ANO2: variants seen among roughly 807,000 people sequenced by gnomAD.
ANO2 encodes anoctamin 2, also known as anoctamin-2.
Under a neutral mutation model 124.2 loss-of-function variants are expected in ANO2, and 101 were observed. The ratio of observed to expected loss-of-function variants is 0.81; its 90% CI spans 0.69 to 0.96. ANO2 has a LOEUF of 0.96. Among genes scored for constraint, ANO2 ranks in the 40% least tolerant of loss-of-function variants. The probability of loss-of-function intolerance (pLI) is 0.00; values close to 1 mark genes in which losing one functional copy is unlikely to be tolerated. For missense variants in ANO2, 1,293 were observed against 1,274.5 expected (o/e 1.01, Z -0.22); for synonymous variants, 486 against 482.5 (o/e 1.01, Z -0.09).
chr12:5,817,604 T>C (rs926479960), intron 7 of ANO2, among the ~76,000 whole-genome samples: 1 of 151,810 alleles, frequency 6.6e-6, no homozygotes, highest in Non-Finnish European at 1.5e-5. Flanking sequence ...ATCACTGAGA[T>C]TGGGGAAAAA....
chr12:5,840,767 CAG>C (rs975993988), intron 4 of ANO2, among the ~76,000 whole-genome samples: 52 of 152,260 alleles, frequency 3.4e-4, no homozygotes, highest in African/African-American at 1.2e-3. Flanking sequence ...CACGTGTTGA[CAG>C]AAATTAACAC....
chr12:5,630,779 C>T (rs1407103153), intron 16 of ANO2, among the ~76,000 whole-genome samples: 1 of 152,220 alleles, frequency 6.6e-6, no homozygotes, highest in Non-Finnish European at 1.5e-5. Flanking sequence ...TCACTGTTCT[C>T]AAGAGCCTTG....
At chr12:5,602,582 A>G (rs916610657) in intron 19 of ANO2, among the ~76,000 whole-genome samples, 5 of 152,114 alleles carry the variant, frequency 3.3e-5, no homozygotes, top group African/African-American at 1.2e-4. Context: ...TCAGAAAGAG[A>G]AGACAGAGAC....
chr12:5,768,593 C>T (rs1334657177), intron 10 of ANO2, among the ~76,000 whole-genome samples: 1 of 152,228 alleles, frequency 6.6e-6, no homozygotes, highest in Non-Finnish European at 1.5e-5. Flanking sequence ...GCACGGAGGA[C>T]TCACAGCCAC....
chr12:5,775,749 G>A (rs549359455), intron 10 of ANO2, among the ~76,000 whole-genome samples: 1 of 152,138 alleles, frequency 6.6e-6, no homozygotes, highest in Non-Finnish European at 1.5e-5. Context: ...ATTTAGATGT[G>A]TGTCAGAACA....
intron 14 of ANO2, among the ~76,000 whole-genome samples, chr12:5,670,525 T>C (rs1206433030): frequency 6.6e-6 from 1 of 152,220 alleles, no homozygotes; most frequent in African/African-American, 2.4e-5. Context: ...GTTCCACATG[T>C]ATTAATTTTT....
chr12:5,628,298 G>T (rs1945517508), intron 16 of ANO2, among the ~76,000 whole-genome samples: 1 of 152,164 alleles, frequency 6.6e-6, no homozygotes, highest in Admixed American at 6.5e-5. Context: ...CCACACGGTT[G>T]TCCCCATCCC....
At chr12:5,923,133 T>TAC (rs10625843) in intron 1 of ANO2, among the ~76,000 whole-genome samples, 905 of 5,022 alleles carry the variant, frequency 0.18, 262 homozygotes, top group East Asian at 0.31. Context: ...CACACCCACA[T>TAC]ACACACACAT....
intron 10 of ANO2, among the ~76,000 whole-genome samples, chr12:5,784,567 T>A (rs56704902): frequency 6.6e-6 from 1 of 152,202 alleles, no homozygotes. Flanking sequence ...CAGAGCATCC[T>A]GAGCTCAGGC....
intron 3 of ANO2, among the ~76,000 whole-genome samples, chr12:5,859,796 A>C (rs73255185): frequency 0.017 from 2,632 of 152,248 alleles, 68 homozygotes; most frequent in African/African-American, 0.056. Flanking sequence ...GGCCTCCCAA[A>C]GTGCTAGAAT....
chr12:5,851,496 C>T (rs113615739), intron 4 of ANO2, among the ~76,000 whole-genome samples: 4 of 152,052 alleles, frequency 2.6e-5, no homozygotes, highest in African/African-American at 9.6e-5. Context: ...GACCAGCTGG[C>T]CAACATGGAG....
intron 10 of ANO2, among the ~76,000 whole-genome samples, chr12:5,753,224 T>C (rs1951490194): frequency 6.6e-6 from 1 of 152,136 alleles, no homozygotes; most frequent in Non-Finnish European, 1.5e-5. Context: ...GCTTCAATAT[T>C]TAAAGGGGAA....
At chr12:5,943,444 TG>T (rs1234565641) in intron 1 of ANO2, among the ~76,000 whole-genome samples, 5 of 152,138 alleles carry the variant, frequency 3.3e-5, no homozygotes, top group African/African-American at 1.2e-4. Flanking sequence ...CATTCATAAG[TG>T]GGAGTTATGC....
At chr12:5,837,464 C>T (rs1954365842) in intron 4 of ANO2, among the ~76,000 whole-genome samples, 1 of 139,870 alleles carries the variant, frequency 7.1e-6, no homozygotes, top group Admixed American at 7.0e-5. Flanking sequence ...TCTCCCGATG[C>T]TATCCCTCCC....
chr12:5,732,936 G>A (rs1555150320), intron 13 of ANO2: 13 of 1,600,562 alleles, frequency 8.1e-6, no homozygotes, highest in Non-Finnish European at 1.1e-5. Context: ...TGGCTGATAC[G>A]AAGAGGGGCC....
At chr12:5,687,581 A>T (rs10774365) in intron 14 of ANO2, among the ~76,000 whole-genome samples, 1 of 152,002 alleles carries the variant, frequency 6.6e-6, no homozygotes, top group African/African-American at 2.4e-5. Context: ...GTTATGGATG[A>T]TTTGGCTCTA....
chr12:5,653,334 A>C (rs917836388), intron 14 of ANO2, among the ~76,000 whole-genome samples: 1 of 152,204 alleles, frequency 6.6e-6, no homozygotes, highest in Admixed American at 6.5e-5. Context: ...ATGTTCTGGC[A>C]AATATTTTGG....
intron 10 of ANO2, among the ~76,000 whole-genome samples, chr12:5,781,566 A>G (rs1952396046): frequency 6.6e-6 from 1 of 152,284 alleles, no homozygotes; most frequent in South Asian, 2.1e-4. Flanking sequence ...TAAAAAGGTC[A>G]TATGAACTAC....
chr12:5,890,426 T>C (rs1223426007), intron 3 of ANO2, among the ~76,000 whole-genome samples: 1 of 152,238 alleles, frequency 6.6e-6, no homozygotes, highest in Non-Finnish European at 1.5e-5. Context: ...GCTTTGTCTT[T>C]ATAAATACCT....
Sources: gnomAD v4.1 joint callset for allele counts (sites outside exome capture counted in the v4.1 genomes callset) on GRCh38, gnomAD v4.1.1 for gene constraint, MANE v1.5 for transcripts, NCBI Gene and HGNC (gene_info 2026-07-23, HGNC 2026-07-21) for gene names.